The following PACRG variants were observed in gnomAD, a reference collection of about 807,000 sequenced individuals.
PACRG encodes the protein parkin coregulated gene protein.
Under a neutral mutation model 29.7 loss-of-function variants are expected in PACRG, and 29 were observed. The ratio of observed to expected loss-of-function variants is 0.98; its 90% CI spans 0.73 to 1.33. The LOEUF (loss-of-function observed/expected upper bound fraction) is 1.33, where lower values mean the gene tolerates loss of function less well. Among genes scored for constraint, PACRG ranks in the 40% most tolerant of loss-of-function variants. The pLI is 0.00. For synonymous variants in PACRG, 116 were observed against 118.7 expected (o/e 0.98, Z 0.15); for missense variants, 279 against 316.2 (o/e 0.88, Z 0.89).
At chr6:162,833,234 T>C (rs1299862324) in intron 2 of PACRG, among the ~76,000 whole-genome samples, 1 of 152,208 alleles carries the variant, frequency 6.6e-6, no homozygotes, top group Non-Finnish European at 1.5e-5. Flanking sequence ...ACCATAGCCA[T>C]GTTGCTAACT....
chr6:162,745,025 A>G (rs1399559366), intron 1 of PACRG, among the ~76,000 whole-genome samples: 1 of 152,120 alleles, frequency 6.6e-6, no homozygotes, highest in African/African-American at 2.4e-5. Flanking sequence ...GACTTTTTCT[A>G]TGTTATTTAT....
Position 163,078,505 on chromosome 6 carries a change from G to T in PACRG, c.464-10754G>T, listed in dbSNP as rs561041624. On this transcript the variant is annotated intron_variant, in intron 3 of 4. Transcript: ENST00000366888. ...GCAAAATTTAGTCTCAAAAAAAAAG[G>T]GGGGGAGGGGGGCAATGATGATAAT... Among the ~76,000 whole-genome samples the T allele has an allele frequency of 8.4e-4, 127 of 151,940 alleles. 1 individual carries two copies. In the Middle Eastern group the frequency reaches 0.021, roughly 25 times the overall value.
intron 1 of PACRG, among the ~76,000 whole-genome samples, chr6:162,761,956 A>AC (rs373736447): frequency 0.36 from 39,240 of 108,904 alleles, 7,394 homozygotes; most frequent in East Asian, 0.61. Context: ...AAAAAAAGAA[A>AC]CCCCCCCCCA....
At chr6:162,881,300 T>G (rs1042192123) in intron 2 of PACRG, among the ~76,000 whole-genome samples, 1 of 152,186 alleles carries the variant, frequency 6.6e-6, no homozygotes, top group African/African-American at 2.4e-5. Flanking sequence ...CTGTTTTCCT[T>G]TGGGGCTGTA....
At chr6:162,989,588 C>G (rs58583183) in intron 2 of PACRG, among the ~76,000 whole-genome samples, 14,581 of 152,068 alleles carry the variant, frequency 0.096, 1,985 homozygotes, top group African/African-American at 0.3. Context: ...TTTAGGAAAT[C>G]ATAACCAAAA....
At chr6:162,774,029 A>G (rs937939027) in intron 1 of PACRG, among the ~76,000 whole-genome samples, 2 of 152,240 alleles carry the variant, frequency 1.3e-5, no homozygotes, top group African/African-American at 2.4e-5. Flanking sequence ...TATTCATAAA[A>G]CAATTGAAGT....
At chr6:162,836,895 A>G (rs770782712) in intron 2 of PACRG, among the ~76,000 whole-genome samples, 7 of 152,162 alleles carry the variant, frequency 4.6e-5, no homozygotes, top group Non-Finnish European at 8.8e-5. Flanking sequence ...TTACAAAGCT[A>G]GTGAGTAGCC....
intron 4 of PACRG, chr6:163,190,801 A>AT (rs1388999438): frequency 2.8e-5 from 10 of 355,494 alleles, no homozygotes; most frequent in African/African-American, 1.5e-4. Context: ...CGCTCCAAAG[A>AT]TAAAGTCAGA....
At chr6:163,189,798 G>A (rs1452534068) in intron 4 of PACRG, 1 of 152,220 alleles carries the variant, frequency 6.6e-6, no homozygotes, top group Non-Finnish European at 1.5e-5. Flanking sequence ...TGCGCCTGAT[G>A]CCCGTGACTG....
At chr6:163,070,916 A>G (rs1419797735) in intron 3 of PACRG, among the ~76,000 whole-genome samples, 1 of 152,122 alleles carries the variant, frequency 6.6e-6, no homozygotes, top group African/African-American at 2.4e-5. Flanking sequence ...CTTATATCAG[A>G]CAAAATAGAT....
chr6:163,159,443 A>T (rs1038236605), intron 4 of PACRG, among the ~76,000 whole-genome samples: 5 of 151,916 alleles, frequency 3.3e-5, no homozygotes, highest in African/African-American at 9.7e-5. Context: ...GAGTTATTCT[A>T]CCCTTATTAT....
chr6:162,901,145 G>A (rs1271294163), intron 2 of PACRG, among the ~76,000 whole-genome samples: 1 of 152,154 alleles, frequency 6.6e-6, no homozygotes, highest in African/African-American at 2.4e-5. Context: ...GTATTTAGAG[G>A]ACTGTCATAA....
intron 4 of PACRG, among the ~76,000 whole-genome samples, chr6:163,284,678 G>A (rs1457651081): frequency 6.6e-6 from 1 of 152,076 alleles, no homozygotes; most frequent in East Asian, 1.9e-4. Flanking sequence ...TTGAGTTCTG[G>A]ATGTCCAGAG....
At chr6:163,200,178 C>A (rs1780638167) in intron 4 of PACRG, among the ~76,000 whole-genome samples, 1 of 152,064 alleles carries the variant, frequency 6.6e-6, no homozygotes, top group South Asian at 2.1e-4. Flanking sequence ...TTATGTACTG[C>A]CAGTCTGAGC....
At chr6:163,284,866 C>T (rs1038490793) in intron 4 of PACRG, among the ~76,000 whole-genome samples, 4 of 152,212 alleles carry the variant, frequency 2.6e-5, no homozygotes, top group Non-Finnish European at 5.9e-5. Context: ...GTATCCCTCT[C>T]TCTCACTTTA....
intron 2 of PACRG, among the ~76,000 whole-genome samples, chr6:162,940,799 GTT>G (rs751588959): frequency 4.6e-5 from 7 of 152,114 alleles, no homozygotes; most frequent in Non-Finnish European, 7.4e-5. Flanking sequence ...GACAACAACA[GTT>G]TTTTGTCATA....
chr6:163,247,346 A>G (rs1460120621), intron 4 of PACRG, among the ~76,000 whole-genome samples: 1 of 152,190 alleles, frequency 6.6e-6, no homozygotes, highest in African/African-American at 2.4e-5. Flanking sequence ...CCTTCTGTGA[A>G]TGTTCTCCCA....
chr6:162,964,686 A>G (rs1034219101), intron 2 of PACRG, among the ~76,000 whole-genome samples: 2 of 152,208 alleles, frequency 1.3e-5, no homozygotes, highest in Non-Finnish European at 2.9e-5. Flanking sequence ...AGCCATGATC[A>G]ATGCCTTATG....
Position 162,814,448 on chromosome 6 carries a change from T to C in PACRG, c.291+167T>C, listed in dbSNP as rs1316600406. ...GCCCCCCTGTGTCAGCCATCCACCTTGACTAACAATTAAATTATAGCCTGC... is the reference window on the plus strand; with the variant it reads ...GCCCCCCTGTGTCAGCCATCCACCTCGACTAACAATTAAATTATAGCCTGC... On this transcript the variant is annotated intron_variant, in intron 2 of 4. Coordinates refer to ENST00000366888, the MANE Select transcript of PACRG (RefSeq NM_001080379.2). 1.6e-5 allele frequency: 12 copies of C among 736,316 alleles called. No individual in the cohort carries two copies. In the East Asian group the frequency reaches 3.2e-4, roughly 20 times the overall value. The allele number at this position is 736,316 out of a possible 1,614,324, so 45.6% of individuals were successfully genotyped here.
Sources: allele counts gnomAD v4.1 joint callset (sites outside exome capture counted in the v4.1 genomes callset), GRCh38; gene constraint gnomAD v4.1.1; transcripts MANE v1.5; gene names NCBI Gene and HGNC (gene_info 2026-07-23, HGNC 2026-07-21).